HERC3: variants seen among roughly 807,000 people sequenced by gnomAD.
The protein encoded by HERC3 is probable E3 ubiquitin-protein ligase HERC3.
HERC3 carries 58 observed loss-of-function variants against 129.9 expected under a neutral mutation model. That is an observed-to-expected ratio of 0.45 (90% CI 0.36 to 0.56). The LOEUF is 0.56. HERC3 is among the 20% of genes least tolerant of loss of function. HERC3 has a pLI of 0.00. For missense variants in HERC3, 835 were observed against 1,244.2 expected, an observed-to-expected ratio of 0.67 and a Z score of 4.95; for synonymous variants, 430 against 451.0, an observed-to-expected ratio of 0.95 and a Z score of 0.59.
At chr4:88,677,058 C>T (rs1435832057) in intron 18 of HERC3, among the ~76,000 whole-genome samples, 1 of 151,986 alleles carries the variant, frequency 6.6e-6, no homozygotes, top group Non-Finnish European at 1.5e-5. Flanking sequence ...TCACTTGAAC[C>T]CGGGATGTGG....
chr4:88,619,155 A>G (rs1440982889), intron 3 of HERC3, among the ~76,000 whole-genome samples: 1 of 152,200 alleles, frequency 6.6e-6, no homozygotes, highest in Non-Finnish European at 1.5e-5. Context: ...GCCAAGAAGG[A>G]GCCATGTCTT....
intron 12 of HERC3, among the ~76,000 whole-genome samples, chr4:88,666,719 C>T (rs540312985): frequency 6.6e-6 from 1 of 152,084 alleles, no homozygotes; most frequent in Non-Finnish European, 1.5e-5. Flanking sequence ...TTCTCTAAGT[C>T]TCAAAAATGC....
chr4:88,678,384 G>A (rs1732395714), intron 19 of HERC3, among the ~76,000 whole-genome samples: 1 of 152,154 alleles, frequency 6.6e-6, no homozygotes, highest in Non-Finnish European at 1.5e-5. Context: ...TGGTGTACCA[G>A]TTCTAGCTCT....
intron 11 of HERC3, among the ~76,000 whole-genome samples, chr4:88,662,858 G>A (rs1730637895): frequency 6.6e-6 from 1 of 152,054 alleles, no homozygotes. Context: ...AGAGCTTAGC[G>A]TTATGGTTAA....
chr4:88,653,903 G>A (rs1729559361), intron 6 of HERC3, 139 bp from the exon 7 acceptor site: 1 of 619,618 alleles, frequency 1.6e-6, no homozygotes, highest in Non-Finnish European at 2.9e-6. Context: ...GAAGTCTGTT[G>A]GATATCCAAG....
upstream of HERC3, among the ~76,000 whole-genome samples, chr4:88,591,599 G>A (rs1721712739): frequency 6.6e-6 from 1 of 151,970 alleles, no homozygotes; most frequent in South Asian, 2.1e-4. Context: ...ATTTAAGGGG[G>A]GCAGACACAT....
chr4:88,627,274 C>G lies in HERC3; in HGVS notation c.226+21225C>G, dbSNP rs569536198. ...GAGTACAGTTAGCTCTCCAGATCCA[C>G]AAGTTCTGCATCATGGATTCAAGCA... On this transcript the variant is annotated intron_variant, in intron 3 of 25. Transcript: ENST00000402738. 2.0e-5 allele frequency among the ~76,000 whole-genome samples: 3 copies of G among 151,942 alleles called. No homozygotes were observed. In the South Asian group the frequency reaches 6.2e-4, roughly 31 times the overall value.
intron 10 of HERC3, among the ~76,000 whole-genome samples, chr4:88,659,405 C>G (rs1730252548): frequency 6.6e-6 from 1 of 152,232 alleles, no homozygotes; most frequent in South Asian, 2.1e-4. Flanking sequence ...TTTAAGTACA[C>G]AAAGTATTTG....
the HERC3 span, among the ~76,000 whole-genome samples, chr4:88,563,432 C>A: frequency 2.6e-5 from 4 of 152,148 alleles, no homozygotes; most frequent in Admixed American, 2.6e-4. Flanking sequence ...ATTACAAGAT[C>A]ATGTGATCTG....
intron 23 of HERC3, chr4:88,697,280 C>T (rs1734703734): frequency 2.6e-6 from 4 of 1,534,356 alleles, no homozygotes; most frequent in Middle Eastern, 1.7e-4. Context: ...TCTGCCGCAG[C>T]CTCCTCCTCC....
the HERC3 span, among the ~76,000 whole-genome samples, chr4:88,567,595 T>C: frequency 6.6e-6 from 1 of 152,018 alleles, no homozygotes; most frequent in East Asian, 1.9e-4. Context: ...TTCTTCAGTA[T>C]GTCAATTGAA....
At chr4:88,696,377 C>T (rs943769565) in intron 23 of HERC3, 2 of 152,616 alleles carry the variant, frequency 1.3e-5, no homozygotes, top group Admixed American at 1.3e-4. Context: ...TTGCTACATT[C>T]TACATCTCTT....
intron 16 of HERC3, among the ~76,000 whole-genome samples, chr4:88,673,634 C>G (rs1276543404): frequency 1.3e-5 from 2 of 151,974 alleles, no homozygotes; most frequent in African/African-American, 4.8e-5. Context: ...ATGCATCCTT[C>G]TAGGTTATGA....
At chr4:88,664,867 G>C (rs543663692) in intron 12 of HERC3, among the ~76,000 whole-genome samples, 31 of 152,250 alleles carry the variant, frequency 2.0e-4, no homozygotes, top group Middle Eastern at 3.4e-3. Flanking sequence ...ATTTGAGGTT[G>C]AACTCCCCAG....
At chr4:88,663,953 T>G (rs1008671053) in intron 11 of HERC3, among the ~76,000 whole-genome samples, 200 bp from the exon 12 acceptor site, 1 of 152,162 alleles carries the variant, frequency 6.6e-6, no homozygotes, top group South Asian at 2.1e-4. Context: ...TCCCCTAACA[T>G]GGGAAACTTA....
the HERC3 span, among the ~76,000 whole-genome samples, chr4:88,534,651 A>G: frequency 5.9e-5 from 9 of 152,186 alleles, no homozygotes; most frequent in Non-Finnish European, 2.9e-5. Context: ...CATGGCATTA[A>G]CATGATTTTA....
chr4:88,707,017 A>C lies in HERC3; in HGVS notation c.*57A>C. 3 of 1,346,584 alleles carry C rather than the reference A, an allele frequency of 2.2e-6. No homozygotes were observed. Among genetic ancestry groups the C allele is most frequent in the Non-Finnish European group, 2.1e-6 (2 of 942,212 alleles). The allele number at this position is 1,346,584 out of a possible 1,614,324, so 83.4% of individuals were successfully genotyped here. ...TTCCTCAGTGTCCACATTGAGGCCT[A>C]TACAGAAAATCATGGGGAGTGATTT... On this transcript the variant is annotated 3_prime_UTR_variant, in exon 26 of 26. Transcript: ENST00000402738.
chr4:88,549,121 T>G, the HERC3 span, among the ~76,000 whole-genome samples: 46 of 152,332 alleles, frequency 3.0e-4, no homozygotes, highest in Middle Eastern at 0.01. Flanking sequence ...TGGTTTTATC[T>G]CTTACATTTA....
chr4:88,630,030 A>G (rs2860394), intron 3 of HERC3, among the ~76,000 whole-genome samples: 7,853 of 152,262 alleles, frequency 0.052, 542 homozygotes, highest in East Asian at 0.27. Flanking sequence ...AGTAGGCAGA[A>G]TAGTACCAGT....
Sources: gnomAD v4.1 joint callset for allele counts (sites outside exome capture counted in the v4.1 genomes callset) on GRCh38, gnomAD v4.1.1 for gene constraint, MANE v1.5 for transcripts, NCBI Gene and HGNC (gene_info 2026-07-23, HGNC 2026-07-21) for gene names.